The following TTC17 variants were observed in gnomAD, a reference collection of about 807,000 sequenced individuals.
The protein encoded by TTC17 is tetratricopeptide repeat domain 17.
TTC17 carries 58 observed loss-of-function variants against 143.8 expected under a neutral mutation model. That is an observed-to-expected ratio of 0.40 (90% confidence interval 0.33 to 0.50). TTC17 has a LOEUF of 0.50. Ranked by LOEUF, TTC17 falls within the 20% of genes least tolerant of loss-of-function variation. The pLI is 0.49. For synonymous variants in TTC17, 501 were observed against 497.8 expected (o/e 1.01, Z -0.09); for missense variants, 1,273 against 1,392.5 (o/e 0.91, Z 1.37).
At chr11:43,381,190 TTTTTGTTTATACTTATA>T (rs1463404321) in intron 2 of TTC17, among the ~76,000 whole-genome samples, 1 of 152,220 alleles carries the variant, frequency 6.6e-6, no homozygotes, top group Non-Finnish European at 1.5e-5. Flanking sequence ...TAAACTTCTA[TTTTTGTTTATACTTATA>T]CTATGAAGCT....
At chr11:43,398,916 T>C (rs2134560262) in intron 8 of TTC17, among the ~76,000 whole-genome samples, 1 of 152,354 alleles carries the variant, frequency 6.6e-6, no homozygotes, top group East Asian at 1.9e-4. Context: ...CTGGTTTCTG[T>C]TATACCTGGC....
intron 21 of TTC17, among the ~76,000 whole-genome samples, chr11:43,477,562 A>G (rs976980587): frequency 2.8e-4 from 42 of 152,216 alleles, no homozygotes; most frequent in Admixed American, 2.5e-3. Context: ...AGGAAGAAGC[A>G]AAAGCAGAAA....
intron 21 of TTC17, among the ~76,000 whole-genome samples, chr11:43,459,153 C>G (rs1007407539): frequency 1.3e-5 from 2 of 152,124 alleles, no homozygotes; most frequent in African/African-American, 4.8e-5. Context: ...CCCGCACATA[C>G]AACCTACATT....
At chr11:43,463,851 G>T (rs1947917195) in intron 21 of TTC17, among the ~76,000 whole-genome samples, 1 of 152,192 alleles carries the variant, frequency 6.6e-6, no homozygotes, top group East Asian at 1.9e-4. Context: ...TGATATTGCT[G>T]CATGAATGCA....
At chr11:43,432,905 T>C (rs1040166590) in intron 16 of TTC17, among the ~76,000 whole-genome samples, 1 of 152,212 alleles carries the variant, frequency 6.6e-6, no homozygotes, top group Admixed American at 6.5e-5. Flanking sequence ...TTTTTAAAAT[T>C]AGATAATTCA....
At chr11:43,396,039 C>T (rs1056118292) in intron 5 of TTC17, 5 of 151,900 alleles carry the variant, frequency 3.3e-5, no homozygotes, top group African/African-American at 1.2e-4. Flanking sequence ...AAATTGTCCC[C>T]CAGAAATGCT....
chr11:43,396,087 TTAA>T (rs1465248292), intron 5 of TTC17: 2 of 152,100 alleles, frequency 1.3e-5, no homozygotes, highest in African/African-American at 4.8e-5. Flanking sequence ...ATATCTAAAG[TTAA>T]TAATATTCAG....
chr11:43,365,425 C>T (rs1276319000), intron 1 of TTC17, among the ~76,000 whole-genome samples: 1 of 152,130 alleles, frequency 6.6e-6, no homozygotes, highest in African/African-American at 2.4e-5. Context: ...AGTGCCACCA[C>T]ACCCAGCTAA....
chr11:43,419,505 G>A (rs1946851387), intron 16 of TTC17, among the ~76,000 whole-genome samples: 1 of 152,146 alleles, frequency 6.6e-6, no homozygotes, highest in South Asian at 2.1e-4. Flanking sequence ...CAATTTTACA[G>A]AGTTCAGATG....
chr11:43,400,085 G>A, intron 9 of TTC17, 37 bp downstream of exon 9: 1 of 1,593,136 alleles, frequency 6.3e-7, no homozygotes, highest in Non-Finnish European at 8.5e-7. Context: ...GACAGGTTAG[G>A]AAATTCACTT....
At chr11:43,409,537 C>T (rs1450656321) in intron 15 of TTC17, among the ~76,000 whole-genome samples, 2 of 152,228 alleles carry the variant, frequency 1.3e-5, no homozygotes, top group Non-Finnish European at 2.9e-5. Context: ...CAATACTAAG[C>T]ATCTTACATG....
At position 43,456,906 on chromosome 11, in the gene TTC17, G is replaced by A. The variant is rs147713433; in HGVS notation, c.3030+5641G>A. On this transcript the variant is annotated intron_variant, in intron 21 of 23. Coordinates refer to ENST00000039989, the MANE Select transcript of TTC17 (RefSeq NM_018259.6). ...GGGATTAGGCTCAAAACTTAGGAACGGTAGAGTGAAATCTCTCCATCTCAC... is the reference window on the plus strand; with the variant it reads ...GGGATTAGGCTCAAAACTTAGGAACAGTAGAGTGAAATCTCTCCATCTCAC... 2.7e-3 allele frequency among the ~76,000 whole-genome samples: 412 copies of A among 152,200 alleles called. 2 individuals carry two copies. The highest frequency in any genetic ancestry group is 9.4e-3 in the African/African-American group (392 of 41,548).
intron 21 of TTC17, among the ~76,000 whole-genome samples, chr11:43,478,976 C>T (rs1039417385): frequency 1.3e-5 from 2 of 152,160 alleles, no homozygotes; most frequent in Admixed American, 6.5e-5. Flanking sequence ...CGTGGTGGCT[C>T]ACGCCTGTAT....
In TTC17 at chr11:43,367,027, T is replaced by C. The variant is rs538772612; in HGVS notation, c.159+7914T>C. Among the ~76,000 whole-genome samples the C allele has an allele frequency of 3.3e-5, 5 of 152,356 alleles. No homozygotes were observed. In the South Asian group the frequency reaches 1.0e-3, roughly 32 times the overall value. On this transcript the variant is annotated intron_variant, in intron 1 of 23. Coordinates refer to ENST00000039989, the MANE Select transcript of TTC17 (RefSeq NM_018259.6). ...GTGCTTCCATAGCATCCTGAATTCC[T>C]TTATGAAAGGATCTACCATACTGTG...
chr11:43,376,528 G>A (rs1856768733), intron 1 of TTC17, among the ~76,000 whole-genome samples: 1 of 152,188 alleles, frequency 6.6e-6, no homozygotes, highest in Non-Finnish European at 1.5e-5. Context: ...AAGCCATAAA[G>A]TGCTTTGAGA....
At position 43,421,725 on chromosome 11, in the gene TTC17, G is replaced by A. The variant is rs1946909549; in HGVS notation, c.2251+6949G>A. Among the ~76,000 whole-genome samples the A allele has an allele frequency of 2.0e-5, 3 of 150,648 alleles. No individual in the cohort carries two copies. The South Asian group carries it at 6.2e-4, about 31-fold the overall frequency. On this transcript the variant is annotated intron_variant, in intron 16 of 23. Transcript: ENST00000039989. The stretch of plus-strand genomic sequence containing the variant: ...TTTAGTTGCAGGAAAATAAGCTCAG[G>A]GCTCCCACTGATTCTACATTGTGGT...
chr11:43,456,179 AACACACACAC>A (rs57261729), intron 21 of TTC17, among the ~76,000 whole-genome samples: 18 of 146,280 alleles, frequency 1.2e-4, no homozygotes, highest in Admixed American at 2.7e-4. Context: ...TTAGCACAAT[AACACACACAC>A]ACACACACAC....
intron 11 of TTC17, 87 bp from the exon 12 acceptor site, chr11:43,405,427 A>G (rs776517503): frequency 9.6e-6 from 9 of 935,346 alleles, no homozygotes; most frequent in Non-Finnish European, 1.5e-5. Flanking sequence ...TTGTTCAATT[A>G]TTGTAGTATA....
At chr11:43,474,078 G>A (rs1439671682) in intron 21 of TTC17, among the ~76,000 whole-genome samples, 1 of 152,120 alleles carries the variant, frequency 6.6e-6, no homozygotes, top group Admixed American at 6.5e-5. Context: ...AACCTGATTT[G>A]TAGCAAATTG....
Sources: gnomAD v4.1 joint callset for allele counts (sites outside exome capture counted in the v4.1 genomes callset) on GRCh38, gnomAD v4.1.1 for gene constraint, MANE v1.5 for transcripts, NCBI Gene and HGNC (gene_info 2026-07-23, HGNC 2026-07-21) for gene names.